MAMLD1: variants seen among roughly 807,000 people sequenced by gnomAD.
The protein encoded by MAMLD1 is mastermind-like domain-containing protein 1.
Under a neutral mutation model 45.0 loss-of-function variants are expected in MAMLD1, and 14 were observed. That is an observed-to-expected ratio of 0.31 (90% CI 0.21 to 0.49). The LOEUF is 0.49. Among genes scored for constraint, MAMLD1 ranks in the 20% least tolerant of loss-of-function variants. The pLI, the probability that MAMLD1 is intolerant of heterozygous loss-of-function variation, is 0.99. For synonymous variants in MAMLD1, 254 were observed against 247.8 expected (o/e 1.02, Z -0.24); for missense variants, 543 against 603.6 (o/e 0.90, Z 1.05).
At chrX:150,468,978 AGTGTGT>A (rs67617988) in intron 3 of MAMLD1, among the ~76,000 whole-genome samples, 3 of 100,690 alleles carry the variant, frequency 3.0e-5, no homozygotes, top group Non-Finnish European at 4.0e-5. Flanking sequence ...AATGTGTGAG[AGTGTGT>A]GTGTGTGTGT....
At chrX:150,397,993 T>C (rs2033492898) in intron 1 of MAMLD1, among the ~76,000 whole-genome samples, 1 of 109,932 alleles carries the variant, frequency 9.1e-6, no homozygotes, top group South Asian at 4.0e-4. Context: ...CTGGCCATTT[T>C]GATCATCACA....
chrX:150,453,695 T>C (rs1414590422), intron 2 of MAMLD1, among the ~76,000 whole-genome samples: 1 of 111,835 alleles, frequency 8.9e-6, no homozygotes, highest in African/African-American at 3.3e-5. Flanking sequence ...TCCCATAGCC[T>C]GCAAGACCCT....
intron 2 of MAMLD1, 65 bp downstream of exon 2, chrX:150,445,677 G>A (rs782181051): frequency 4.9e-5 from 42 of 864,201 alleles, no homozygotes; most frequent in Non-Finnish European, 6.9e-5. Flanking sequence ...TTGAACGTAA[G>A]ATGTGTTATT....
At chrX:150,422,772 C>T (rs138667409) in intron 1 of MAMLD1, among the ~76,000 whole-genome samples, 1 of 111,727 alleles carries the variant, frequency 9.0e-6, no homozygotes, top group African/African-American at 3.3e-5. Context: ...GGATTCTAAC[C>T]AAGCTTTGCT....
At chrX:150,471,812 T>C (rs1245824220) in intron 4 of MAMLD1, among the ~76,000 whole-genome samples, 2 of 112,098 alleles carry the variant, frequency 1.8e-5, no homozygotes, top group Non-Finnish European at 3.8e-5. Context: ...CACTGGGCCA[T>C]GTAGAAAGAC....
intron 1 of MAMLD1, among the ~76,000 whole-genome samples, chrX:150,401,476 G>A (rs34491142): frequency 0.13 from 12,594 of 95,980 alleles, 852 homozygotes; most frequent in Middle Eastern, 0.19. Context: ...AATCAATATC[G>A]TGAAAATGGC....
At chrX:150,511,047 C>T (rs782797262) in intron 7 of MAMLD1, among the ~76,000 whole-genome samples, 2 of 112,045 alleles carry the variant, frequency 1.8e-5, no homozygotes, top group South Asian at 7.5e-4. Context: ...AGAACCTAGG[C>T]ACCATTACAA....
intron 5 of MAMLD1, among the ~76,000 whole-genome samples, chrX:150,501,463 T>C (rs1337714317): frequency 8.9e-6 from 1 of 112,430 alleles, no homozygotes; most frequent in African/African-American, 3.2e-5. Context: ...AAGCTGCAGA[T>C]GGCCGGTGAG....
intron 2 of MAMLD1, among the ~76,000 whole-genome samples, chrX:150,456,735 T>C: frequency 8.9e-6 from 1 of 112,312 alleles, no homozygotes; most frequent in Non-Finnish European, 1.9e-5. Flanking sequence ...CTTCTGGCCA[T>C]GTTGTTCCCA....
At chrX:150,423,348 C>CTG (rs1246327427) in intron 1 of MAMLD1, among the ~76,000 whole-genome samples, 91 of 7,845 alleles carry the variant, frequency 0.012, no homozygotes, top group African/African-American at 0.014. Flanking sequence ...ACATTATACT[C>CTG]TGTGTGTGTG....
At chrX:150,422,889 C>T (rs1299520915) in intron 1 of MAMLD1, among the ~76,000 whole-genome samples, 1 of 111,900 alleles carries the variant, frequency 8.9e-6, no homozygotes, top group Non-Finnish European at 1.9e-5. Flanking sequence ...GCCTTTAGTG[C>T]ACACAGCACC....
intron 1 of MAMLD1, among the ~76,000 whole-genome samples, chrX:150,441,384 A>C (rs2035312302): frequency 9.2e-6 from 1 of 108,934 alleles, no homozygotes; most frequent in Non-Finnish European, 1.9e-5. Flanking sequence ...GGAAGCTTAT[A>C]TTATTAATTT....
In MAMLD1 at chrX:150,512,450, G is replaced by C; in HGVS notation, c.*491G>C. 1 of 1,156,145 alleles carries C rather than the reference G, an allele frequency of 8.6e-7. No individual in the cohort carries two copies. Among genetic ancestry groups the C allele is most frequent in the East Asian group, 3.2e-5 (1 of 30,779 alleles). ...AGCGGCAGCAGCTGTGACCACAGCA[G>C]TTTCGGGGAAAACACCCCTCAGCCA... On this transcript the variant is annotated 3_prime_UTR_variant, in exon 8 of 8. Transcript: ENST00000370401.
At position 150,393,389 on chromosome X, in the gene MAMLD1, T is replaced by G. The variant is rs146465334; in HGVS notation, c.-64+29859T>G. ...GCTTCCAAGTTTTGGCAATTATAAATAAAGCTACTATAAATATCCATGTGC... is the reference window on the plus strand; with the variant it reads ...GCTTCCAAGTTTTGGCAATTATAAAGAAAGCTACTATAAATATCCATGTGC... On this transcript the variant is annotated intron_variant, in intron 1 of 7. Coordinates refer to ENST00000370401, the MANE Select transcript of MAMLD1 (RefSeq NM_005491.5). Among the ~76,000 whole-genome samples the G allele has an allele frequency of 5.8e-3, 651 of 112,633 alleles. 5 individuals are homozygous for G. The highest frequency in any genetic ancestry group is 0.02 in the African/African-American group (623 of 31,048).
chrX:150,417,344 A>C (rs1308353358), intron 1 of MAMLD1, among the ~76,000 whole-genome samples: 38 of 104,730 alleles, frequency 3.6e-4, no homozygotes, highest in African/African-American at 1.3e-3. Flanking sequence ...TGAACTCATC[A>C]TTTTTTATGG....
At chrX:150,447,165 C>T (rs2035515871) in intron 2 of MAMLD1, among the ~76,000 whole-genome samples, 1 of 112,645 alleles carries the variant, frequency 8.9e-6, no homozygotes, top group Non-Finnish European at 1.9e-5. Context: ...CCAGGCTTGG[C>T]TTCTCTTTGC....
At chrX:150,461,736 G>A (rs1557405631) in intron 2 of MAMLD1, among the ~76,000 whole-genome samples, 2 of 111,648 alleles carry the variant, frequency 1.8e-5, no homozygotes, top group African/African-American at 6.5e-5. Flanking sequence ...ATGGAGTTTT[G>A]TGTTGTTGTC....
intron 1 of MAMLD1, among the ~76,000 whole-genome samples, chrX:150,430,382 G>T (rs1379985525): frequency 9.0e-6 from 1 of 110,676 alleles, no homozygotes; most frequent in Admixed American, 9.7e-5. Flanking sequence ...CATAAGGTTT[G>T]CAAATATTTT....
intron 1 of MAMLD1, among the ~76,000 whole-genome samples, chrX:150,368,876 G>A (rs1367298529): frequency 5.4e-5 from 6 of 111,934 alleles, no homozygotes; most frequent in Non-Finnish European, 1.1e-4. Flanking sequence ...GGTTGTAGAT[G>A]TGTGGTATTA....
Sources: gnomAD v4.1 joint callset for allele counts (sites outside exome capture counted in the v4.1 genomes callset) on GRCh38, gnomAD v4.1.1 for gene constraint, MANE v1.5 for transcripts, NCBI Gene and HGNC (gene_info 2026-07-23, HGNC 2026-07-21) for gene names.